MYO3B: variants seen among roughly 807,000 people sequenced by gnomAD.
MYO3B encodes the protein myosin IIIB.
MYO3B carries 156 observed loss-of-function variants against 174.6 expected under a neutral mutation model. The ratio of observed to expected loss-of-function variants is 0.89; its 90% CI spans 0.78 to 1.02. MYO3B has a LOEUF of 1.02. Among genes scored for constraint, MYO3B ranks in the 50% least tolerant of loss-of-function variants. The pLI, the probability that MYO3B is intolerant of heterozygous loss-of-function variation, is 0.00. For synonymous variants in MYO3B, 563 were observed against 569.1 expected, an observed-to-expected ratio of 0.99 and a Z score of 0.15; for missense variants, 1,632 against 1,639.4, an observed-to-expected ratio of 1.00 and a Z score of 0.08.
At chr2:170,316,196 A>T (rs2093774370) in intron 7 of MYO3B, among the ~76,000 whole-genome samples, 1 of 152,256 alleles carries the variant, frequency 6.6e-6, no homozygotes, top group Non-Finnish European at 1.5e-5. Context: ...ATGTGTGTGT[A>T]TTAATGAAGT....
At chr2:170,229,374 C>T (rs2092989914) in intron 6 of MYO3B, among the ~76,000 whole-genome samples, 1 of 152,194 alleles carries the variant, frequency 6.6e-6, no homozygotes, top group Non-Finnish European at 1.5e-5. Flanking sequence ...CTTGAGATAA[C>T]AGCATTTTGC....
Position 170,569,244 on chromosome 2 carries a change from C to T in MYO3B, c.3733+25256C>T, listed in dbSNP as rs546377679. ...ATTTAGCTTTCTTTCACCCATTCTT[C>T]CAAAAGTTGACTAAAGTCAGAGTCT... On this transcript the variant is annotated intron_variant, in intron 32 of 34. Transcript: ENST00000408978. Among the ~76,000 whole-genome samples the T allele has an allele frequency of 5.4e-4, 82 of 152,268 alleles. 1 individual carries two copies. The highest frequency in any genetic ancestry group is 1.9e-3 in the African/African-American group (80 of 41,544).
intron 28 of MYO3B, among the ~76,000 whole-genome samples, chr2:170,512,012 A>G (rs950629593): frequency 2.0e-5 from 3 of 152,222 alleles, no homozygotes; most frequent in African/African-American, 4.8e-5. Context: ...CAAGCAAGAA[A>G]CTGATTTCTA....
chr2:170,463,416 A>G lies in MYO3B; in HGVS notation c.2779A>G (p.Lys927Glu), dbSNP rs774219412. ...GCATCCGGAAGAAACCACCAACATG[A>G]AGAGGCAAACTGTGGCTTCTTACTT... is the stretch of plus-strand genomic sequence containing the variant. The part of the protein sequence containing the change: ...IRHPEETTNM[K>E]RQTVASYFRY... Residue 927 changes from lysine (K) to glutamate (E), a missense_variant, in exon 24 of 35, where the codon AAG (lysine) becomes GAG (glutamate). Lys to Glu is a moderately conservative substitution (Grantham distance 56). Transcript: ENST00000408978. The G allele has an allele frequency of 1.6e-5, 26 of 1,614,094 alleles. No homozygotes were observed. The highest frequency in any genetic ancestry group is 2.2e-5 in the Non-Finnish European group (26 of 1,180,022).
intron 9 of MYO3B, among the ~76,000 whole-genome samples, chr2:170,376,157 A>G (rs935305119): frequency 4.6e-5 from 7 of 152,170 alleles, no homozygotes; most frequent in African/African-American, 1.7e-4. Context: ...AAATTTATGC[A>G]TTGTATTGTT....
intron 7 of MYO3B, among the ~76,000 whole-genome samples, chr2:170,326,140 T>C (rs900481867): frequency 1.3e-5 from 2 of 151,906 alleles, no homozygotes; most frequent in Non-Finnish European, 2.9e-5. Flanking sequence ...AGCTTTTTTT[T>C]TTTTTTCTTA....
At chr2:170,321,495 C>T (rs2093826160) in intron 7 of MYO3B, among the ~76,000 whole-genome samples, 1 of 152,018 alleles carries the variant, frequency 6.6e-6, no homozygotes, top group South Asian at 2.1e-4. Context: ...GTTAAAAGAA[C>T]TACTTATCTT....
At chr2:170,564,076 A>C (rs1691909569) in intron 32 of MYO3B, among the ~76,000 whole-genome samples, 2 of 152,196 alleles carry the variant, frequency 1.3e-5, no homozygotes, top group African/African-American at 4.8e-5. Flanking sequence ...TGAACTTGAG[A>C]ATTTTCAAAT....
At chr2:170,250,916 G>T (rs986297637) in intron 7 of MYO3B, among the ~76,000 whole-genome samples, 5 of 151,654 alleles carry the variant, frequency 3.3e-5, no homozygotes, top group Non-Finnish European at 7.4e-5. Context: ...TCTGCCATTC[G>T]TCTGCTTGTC....
chr2:170,518,749 G>A (rs1165182835), intron 29 of MYO3B, among the ~76,000 whole-genome samples: 4 of 152,172 alleles, frequency 2.6e-5, no homozygotes, highest in Admixed American at 2.6e-4. Context: ...GCCCAAGAAT[G>A]TTCATTTCTA....
At chr2:170,563,062 A>ACACACACACT (rs1173953248) in intron 32 of MYO3B, among the ~76,000 whole-genome samples, 1 of 144,878 alleles carries the variant, frequency 6.9e-6, no homozygotes, top group African/African-American at 2.6e-5. Flanking sequence ...ACACACACAC[A>ACACACACACT]CTCTAGACAC....
chr2:170,643,520 G>A (rs915102528), intron 32 of MYO3B, among the ~76,000 whole-genome samples: 2 of 152,142 alleles, frequency 1.3e-5, no homozygotes, highest in African/African-American at 4.8e-5. Context: ...TAAATTAATT[G>A]CACAACTCTA....
intron 32 of MYO3B, among the ~76,000 whole-genome samples, chr2:170,570,015 T>G (rs1157399098): frequency 6.6e-6 from 1 of 152,150 alleles, no homozygotes; most frequent in Non-Finnish European, 1.5e-5. Flanking sequence ...ACATGGATTA[T>G]TTGAACATGA....
chr2:170,333,524 C>G (rs1434213008), intron 7 of MYO3B, among the ~76,000 whole-genome samples: 2 of 152,164 alleles, frequency 1.3e-5, no homozygotes, highest in African/African-American at 2.4e-5. Context: ...TCTCCTTCCT[C>G]TAATCATTCT....
rs75688492 is a variant in MYO3B at position 170,517,596 on chromosome 2, G to A, written c.3473-1842G>A. Among the ~76,000 whole-genome samples, 580 of 152,278 alleles carry A rather than the reference G, an allele frequency of 3.8e-3. 1 individual carries two copies. Among genetic ancestry groups the A allele is most frequent in the African/African-American group, 0.013 (548 of 41,552 alleles). ...CTTTCCACAAGGGCAATATCATTTGGCCTTTGATCAGTGGTAGCTCTTGGT... is the reference window on the plus strand; with the variant it reads ...CTTTCCACAAGGGCAATATCATTTGACCTTTGATCAGTGGTAGCTCTTGGT... On this transcript the variant is annotated intron_variant, in intron 29 of 34. Coordinates refer to ENST00000408978, the MANE Select transcript of MYO3B (RefSeq NM_138995.5).
Position 170,512,816 on chromosome 2 carries a change from T to C in MYO3B, c.3371-2105T>C, listed in dbSNP as rs146931320. Among the ~76,000 whole-genome samples, 269 of 152,322 alleles carry C rather than the reference T, an allele frequency of 1.8e-3. 1 individual carries two copies. The highest frequency in any genetic ancestry group is 6.8e-3 in the Middle Eastern group (2 of 294). On this transcript the variant is annotated intron_variant, in intron 28 of 34. Transcript: ENST00000408978. ...ATGTAATATTTAGGAGTTCAGACTTTAGGAAAAAATTTTGTGCTTGGGTTC... is the reference window on the plus strand; with the variant it reads ...ATGTAATATTTAGGAGTTCAGACTTCAGGAAAAAATTTTGTGCTTGGGTTC...
intron 22 of MYO3B, among the ~76,000 whole-genome samples, chr2:170,442,330 T>C (rs2094806681): frequency 6.6e-6 from 1 of 152,176 alleles, no homozygotes; most frequent in Non-Finnish European, 1.5e-5. Context: ...TATGTAGAGC[T>C]GTATCATTAT....
chr2:170,350,159 A>AGT (rs2094053407), intron 8 of MYO3B, among the ~76,000 whole-genome samples: 2 of 152,032 alleles, frequency 1.3e-5, no homozygotes, highest in Non-Finnish European at 2.9e-5. Flanking sequence ...GTGCACACCC[A>AGT]GCTAATTTTC....
intron 9 of MYO3B, among the ~76,000 whole-genome samples, chr2:170,376,342 C>A (rs960230605): frequency 6.6e-6 from 1 of 152,078 alleles, no homozygotes; most frequent in African/African-American, 2.4e-5. Flanking sequence ...AATAAAAGTC[C>A]CTCTTTCATT....
Sources: gnomAD v4.1 joint callset for allele counts (sites outside exome capture counted in the v4.1 genomes callset) on GRCh38, gnomAD v4.1.1 for gene constraint, MANE v1.5 for transcripts, NCBI Gene and HGNC (gene_info 2026-07-23, HGNC 2026-07-21) for gene names.